Variants in ARHGAP30 observed in about 807,000 individuals in gnomAD.
The protein encoded by ARHGAP30 is Rho GTPase activating protein 30.
In ARHGAP30, 23 loss-of-function variants were observed where a neutral mutation model predicts 72.0. The ratio of observed to expected loss-of-function variants is 0.32; its 90% CI spans 0.23 to 0.45. The LOEUF (loss-of-function observed/expected upper bound fraction) is 0.45, where lower values mean the gene tolerates loss of function less well. ARHGAP30 is among the 20% of genes least tolerant of loss of function. The pLI is 1.00. For synonymous variants in ARHGAP30, 576 were observed against 528.2 expected, an observed-to-expected ratio of 1.09 and a Z score of -1.24; for missense variants, 1,319 against 1,383.4, an observed-to-expected ratio of 0.95 and a Z score of 0.74.
At chr1:161,064,667 A>G (rs964119134) in intron 1 of ARHGAP30, among the ~76,000 whole-genome samples, 2 of 151,862 alleles carry the variant, frequency 1.3e-5, no homozygotes, top group African/African-American at 4.8e-5. Context: ...CTAAAGCAGG[A>G]GATTGCTTGA....
At chr1:161,055,072 G>A (rs1318594267) in intron 3 of ARHGAP30, among the ~76,000 whole-genome samples, 1 of 152,188 alleles carries the variant, frequency 6.6e-6, no homozygotes, top group Admixed American at 6.5e-5. Context: ...AACCTAGCCG[G>A]TGTGGACTGA....
intron 3 of ARHGAP30, among the ~76,000 whole-genome samples, chr1:161,055,221 A>C (rs926740336): frequency 8.5e-5 from 13 of 152,360 alleles, no homozygotes; most frequent in African/African-American, 3.1e-4. Flanking sequence ...GGCTGGGCAC[A>C]GTGACTCACA....
At position 161,048,609 on chromosome 1, in the gene ARHGAP30, C is replaced by G. The variant is rs758368010; in HGVS notation, c.2412G>C (p.Glu804Asp). The change falls in exon 12 of 12, where the codon GAG becomes GAC. Residue 804 changes from glutamate to aspartate, a missense_variant. Coordinates refer to ENST00000368013, the MANE Select transcript of ARHGAP30 (RefSeq NM_001025598.2). ...VREDEDKGQR[E>D]KGYHEARKDQ... ...CTTTTCTTGCTTCATGGTACCCCTTCTCCCTCTGTCCTTTGTCCTCATCCT... is the reference window on the plus strand; with the variant it reads ...CTTTTCTTGCTTCATGGTACCCCTTGTCCCTCTGTCCTTTGTCCTCATCCT... 1 of 1,614,104 alleles carries G rather than the reference C, an allele frequency of 6.2e-7. No homozygotes were observed.
Position 161,056,432 on chromosome 1 carries a change from G to T in ARHGAP30, c.301C>A (p.Leu101Met). ...SSLCKAYFRE[L>M]PDPLLTYRLY... ...CGGTAAGTGAGCAGGGGATCCGGCA[G>T]TTCTCTGAAATAGGCCTTGCACAGG... Residue 101 changes from leucine to methionine, a missense_variant, in exon 3 of 12, where the codon CTG (leucine) becomes ATG (methionine). Physicochemically the swap from Leu to Met is conservative, Grantham distance 15 (BLOSUM62 2). This residue lies in a region of ARHGAP30 where 222 missense variants were observed against 338.2 expected (regional missense o/e 0.66). Transcript: ENST00000368013. 1 of 1,614,034 alleles carries T rather than the reference G, an allele frequency of 6.2e-7. No individual in the cohort carries two copies. Among genetic ancestry groups the T allele is most frequent in the Non-Finnish European group, 8.5e-7 (1 of 1,179,958 alleles).
chr1:161,060,460 G>T (rs1418231379), intron 1 of ARHGAP30, among the ~76,000 whole-genome samples: 2 of 151,856 alleles, frequency 1.3e-5, no homozygotes, highest in African/African-American at 4.8e-5. Flanking sequence ...ACCTGGGCAT[G>T]GTGGCACATG....
Position 161,052,784 on chromosome 1 carries a change from C to T in ARHGAP30, c.678G>A (p.Glu226=), listed in dbSNP as rs1651511230. 6.2e-7 allele frequency: 1 copy of T among 1,611,346 alleles called. No individual in the cohort carries two copies. Among genetic ancestry groups the T allele is most frequent in the Non-Finnish European group, 8.5e-7 (1 of 1,179,708 alleles). The change falls in exon 7 of 12, where the codon GAG becomes GAA. Residue 226 remains glutamate, a synonymous_variant. Coordinates refer to ENST00000368013, the MANE Select transcript of ARHGAP30 (RefSeq NM_001025598.2). ...GGAALSGGEV[E]SGWRSLPGTR... ...TCCCTGGAAGCGATCGCCACCCACT[C>T]TCCACCTCACCACCTGGGAAAAGAA... is the stretch of plus-strand genomic sequence containing the variant.
At chr1:161,062,358 A>G (rs1263914377) in intron 1 of ARHGAP30, among the ~76,000 whole-genome samples, 2 of 152,150 alleles carry the variant, frequency 1.3e-5, no homozygotes, top group African/African-American at 4.8e-5. Flanking sequence ...GAGCCTTGGT[A>G]GCATCACTCA....
chr1:161,057,793 T>A (rs747709129), intron 2 of ARHGAP30, among the ~76,000 whole-genome samples: 6 of 152,124 alleles, frequency 3.9e-5, no homozygotes, highest in Non-Finnish European at 7.4e-5. Flanking sequence ...GCCAGGTGGA[T>A]CACCTGAGGT....
In ARHGAP30 at chr1:161,047,890, G is replaced by C; in HGVS notation, c.3131C>G (p.Pro1044Arg). The C allele has an allele frequency of 6.2e-7, 1 of 1,612,056 alleles. No homozygotes were observed. The highest frequency in any genetic ancestry group is 8.5e-7 in the Non-Finnish European group (1 of 1,178,990). Reference sequence around the variant, plus strand: ...GAGCTCCAGGCAGCTAAGGGGCCGAGGAGAATGGGCAGAGATCATGCTACA... The same window carrying C: ...GAGCTCCAGGCAGCTAAGGGGCCGACGAGAATGGGCAGAGATCATGCTACA... ...SPCSMISAHS[P>R]RPLSCLELPS... Residue 1044 changes from proline to arginine, a missense_variant, in exon 12 of 12, where the codon CCT becomes CGT. By Grantham distance (103) the Pro-to-Arg change is moderately radical. Around this residue, in one of 2 missense-constraint regions of ARHGAP30, gnomAD observed 1,097 missense variants for 1,045.2 expected, o/e 1.05. Coordinates refer to ENST00000368013, the MANE Select transcript of ARHGAP30 (RefSeq NM_001025598.2).
chr1:161,068,696 G>A (rs981396537), intron 1 of ARHGAP30, among the ~76,000 whole-genome samples: 2 of 152,124 alleles, frequency 1.3e-5, no homozygotes, highest in African/African-American at 4.8e-5. Flanking sequence ...GATTTTGAGT[G>A]GCTGCTCCAT....
At chr1:161,068,386 G>A (rs1371910204) in intron 1 of ARHGAP30, among the ~76,000 whole-genome samples, 1 of 152,146 alleles carries the variant, frequency 6.6e-6, no homozygotes, top group African/African-American at 2.4e-5. Flanking sequence ...TTAACCAAGG[G>A]CAATGGGGAT....
At chr1:161,061,813 C>T (rs1046841635) in intron 1 of ARHGAP30, among the ~76,000 whole-genome samples, 7 of 152,200 alleles carry the variant, frequency 4.6e-5, no homozygotes, top group Admixed American at 4.6e-4. Flanking sequence ...AATGGCCAGG[C>T]GTGGTGGCTC....
chr1:161,047,889 A>C lies in ARHGAP30; in HGVS notation c.3132T>G (p.Pro1044=), dbSNP rs1288425787. 1.2e-6 allele frequency: 2 copies of C among 1,612,032 alleles called. No individual in the cohort carries two copies. Among genetic ancestry groups the C allele is most frequent in the Non-Finnish European group, 1.7e-6 (2 of 1,178,972 alleles). The change falls in exon 12 of 12, where the codon CCT becomes CCG. Residue 1044 remains proline, a synonymous_variant. Coordinates refer to ENST00000368013, the MANE Select transcript of ARHGAP30 (RefSeq NM_001025598.2). ...SPCSMISAHS[P]RPLSCLELPS... ...GGAGCTCCAGGCAGCTAAGGGGCCG[A>C]GGAGAATGGGCAGAGATCATGCTAC...
chr1:161,047,771 G>A lies in ARHGAP30; in HGVS notation c.3250C>T (p.Arg1084Cys), dbSNP rs145113918. The stretch of plus-strand genomic sequence containing the variant: ...TGTGTTTCAAATGCATATGACCTGC[G>A]CTGAGAGGACAACAGGGGGTCAGGA... ...QVPDPLLSSQ[R>C]RSYAFETQAN... Residue 1084 changes from arginine (R) to cysteine (C), a missense_variant, in exon 12 of 12, where the codon CGC becomes TGC. Transcript: ENST00000368013. 2.3e-5 allele frequency: 36 copies of A among 1,579,514 alleles called. No homozygotes were observed. In the Admixed American group the frequency reaches 3.6e-4, roughly 16 times the overall value.
In ARHGAP30 at chr1:161,049,045, T is replaced by A. The variant is rs530186365; in HGVS notation, c.1976A>T (p.Glu659Val). 142 of 1,613,954 alleles carry A rather than the reference T, an allele frequency of 8.8e-5. No homozygotes were observed. Among genetic ancestry groups the A allele is most frequent in the Non-Finnish European group, 1.2e-4 (136 of 1,180,024 alleles). Residue 659 changes from glutamate (E) to valine (V), a missense_variant, in exon 12 of 12, where the codon GAG becomes GTG. Physicochemically the swap from Glu to Val is moderately radical, Grantham distance 121. Around this residue, in one of 2 missense-constraint regions of ARHGAP30, gnomAD observed 1,097 missense variants for 1,045.2 expected, o/e 1.05. Coordinates refer to ENST00000368013, the MANE Select transcript of ARHGAP30 (RefSeq NM_001025598.2). ...GEEQACWEVG[E>V]DKQAEPGGRL... ...GCCTCCAGGCTCAGCCTGCTTGTCCTCCCCAACTTCCCAGCATGCCTGCTC... is the reference window on the plus strand; with the variant it reads ...GCCTCCAGGCTCAGCCTGCTTGTCCACCCCAACTTCCCAGCATGCCTGCTC...
Position 161,069,796 on chromosome 1 carries a change from G to A in ARHGAP30, c.-172C>T. ...GCAACGGGCAGCAGCTCCTGCCCCT[G>A]GGGCCCCGGCCACACGGAAGTGGCT... On this transcript the variant is annotated 5_prime_UTR_variant, in exon 1 of 12. Coordinates refer to ENST00000368013, the MANE Select transcript of ARHGAP30 (RefSeq NM_001025598.2). This position sits in a 1 kb window ranked among gnomAD's most constrained non-coding sequence, Gnocchi z 4.9. 2 of 635,218 alleles carry A rather than the reference G, an allele frequency of 3.1e-6. No homozygotes were observed. The highest frequency in any genetic ancestry group is 5.5e-6 in the Non-Finnish European group (2 of 366,794). 39.3% of individuals were successfully genotyped at this position (635,218 alleles called of 1,614,324 possible). A position where few individuals can be genotyped will look rare whatever the true frequency, so the allele number is the denominator to read the frequency against.
At chr1:161,067,368 G>T (rs1247355085) in intron 1 of ARHGAP30, among the ~76,000 whole-genome samples, 1 of 152,038 alleles carries the variant, frequency 6.6e-6, no homozygotes, top group Non-Finnish European at 1.5e-5. Context: ...GTCAGTGTTC[G>T]AGACCAGCCT....
chr1:161,053,462 TTCTCTCTCTCTCTCTCTCTCTC>T (rs57196073), intron 5 of ARHGAP30, 77 bp from the exon 6 acceptor site: 7,094 of 692,942 alleles, frequency 0.01, 43 homozygotes, highest in Non-Finnish European at 0.014. Context: ...AAATACCTTA[TTCTCTCTCTCTCTCTCTCTCTC>T]TCTCTCTCTC....
Position 161,047,565 on chromosome 1 carries a change from G to A in ARHGAP30, c.*150C>T. The A allele has an allele frequency of 2.7e-6, 2 of 750,402 alleles. No individual in the cohort carries two copies. The highest frequency in any genetic ancestry group is 7.6e-5 in the South Asian group (2 of 26,268). 46.5% of individuals were successfully genotyped at this position (750,402 alleles called of 1,614,324 possible). ...GTTCAGGTAAACCAACCAAGGCAGT[G>A]CCTCCCACAGTCAAAGAGAGAAGCT... On this transcript the variant is annotated 3_prime_UTR_variant, in exon 12 of 12. Coordinates refer to ENST00000368013, the MANE Select transcript of ARHGAP30 (RefSeq NM_001025598.2).
Sources: gnomAD v4.1 joint callset for allele counts (sites outside exome capture counted in the v4.1 genomes callset) on GRCh38, gnomAD v4.1.1 for gene constraint, gnomAD v4.1.1 regional missense constraint, Gnocchi (gnomAD v3.1) non-coding constraint, MANE v1.5 for transcripts, NCBI Gene and HGNC (gene_info 2026-07-23, HGNC 2026-07-21) for gene names.